TBC1D30: variants seen among roughly 807,000 people sequenced by gnomAD.
TBC1D30 encodes TBC1 domain family member 30, also known as TBC1 domain family, member 30.
A neutral mutation model predicts 63.2 loss-of-function variants in TBC1D30; 31 were observed. That is an observed-to-expected ratio of 0.49 (90% CI 0.37 to 0.66). The LOEUF is 0.66. TBC1D30 is among the 30% of genes least tolerant of loss of function. The pLI, the probability that TBC1D30 is intolerant of heterozygous loss-of-function variation, is 0.00. For missense variants in TBC1D30, 810 were observed against 953.6 expected (o/e 0.85, Z 1.98); for synonymous variants, 307 against 361.5 (o/e 0.85, Z 1.71).
Position 64,828,648 on chromosome 12 carries a change from A to G in TBC1D30, c.282+139A>G, listed in dbSNP as rs1178780949. The stretch of plus-strand genomic sequence containing the variant: ...TTATTCATTCATGCAATAAATATTT[A>G]TTGATTATTCTGTGCCAAGTAATGT... On this transcript the variant is annotated intron_variant, in intron 3 of 11. Coordinates refer to ENST00000539867, the MANE Select transcript of TBC1D30 (RefSeq NM_015279.2). 69 of 636,060 alleles carry G rather than the reference A, an allele frequency of 1.1e-4. 1 individual carries two copies. In the East Asian group the frequency reaches 1.8e-3, roughly 17 times the overall value. 39.4% of individuals were successfully genotyped at this position (636,060 alleles called of 1,614,324 possible). A position where few individuals can be genotyped will look rare whatever the true frequency, so the allele number is the denominator to read the frequency against.
At chr12:64,770,263 T>G (rs775288348) in intron 1 of TBC1D30, among the ~76,000 whole-genome samples, 14 of 151,898 alleles carry the variant, frequency 9.2e-5, no homozygotes, top group Non-Finnish European at 1.8e-4. Context: ...TTTATTACAA[T>G]GTCTGAGTAT....
Position 64,832,231 on chromosome 12 carries a change from A to C in TBC1D30, c.521A>C (p.Tyr174Ser), listed in dbSNP as rs1419717409. 5 of 1,536,172 alleles carry C rather than the reference A, an allele frequency of 3.3e-6. No homozygotes were observed. Among genetic ancestry groups the C allele is most frequent in the Non-Finnish European group, 4.4e-6 (5 of 1,146,916 alleles). Residue 174 changes from tyrosine to serine, a missense_variant, in exon 5 of 12, where the codon TAC (tyrosine) becomes TCC (serine). Transcript: ENST00000539867. ...GCCCGATGGAACAAAACTGTTGGGT[A>C]CTGCCAAGGCTTTAACATCCTGGCT... is the stretch of plus-strand genomic sequence containing the variant. ...AYARWNKTVG[Y>S]CQGFNILAAL...
At chr12:64,790,802 C>T (rs970763077) in intron 2 of TBC1D30, among the ~76,000 whole-genome samples, 4 of 152,068 alleles carry the variant, frequency 2.6e-5, no homozygotes, top group Non-Finnish European at 5.9e-5. Flanking sequence ...ATACCTTGTC[C>T]TCTGTGGCAG....
rs1456067 is a variant in TBC1D30 at position 64,862,456 on chromosome 12, G to A, written c.1039-2212G>A. Among the ~76,000 whole-genome samples, 1,035 of 152,282 alleles carry A rather than the reference G, an allele frequency of 6.8e-3. 44 individuals are homozygous for A. The highest frequency in any genetic ancestry group is 0.063 in the Admixed American group (970 of 15,296). ...TGCAATGGAGCTAGTTTTCTTTTTG[G>A]TCAGGTGTCTTTAGCTGAGTGGCCC... On this transcript the variant is annotated intron_variant, in intron 8 of 11. Coordinates refer to ENST00000539867, the MANE Select transcript of TBC1D30 (RefSeq NM_015279.2).
At chr12:64,801,479 G>T (rs1297452334) in intron 2 of TBC1D30, among the ~76,000 whole-genome samples, 1 of 152,172 alleles carries the variant, frequency 6.6e-6, no homozygotes, top group Non-Finnish European at 1.5e-5. Context: ...GGCACCAACA[G>T]GGTTCTATTG....
intron 7 of TBC1D30, among the ~76,000 whole-genome samples, chr12:64,841,713 T>C (rs565911956): frequency 1.3e-5 from 2 of 152,320 alleles, no homozygotes; most frequent in African/African-American, 4.8e-5. Context: ...TGCATCTGTG[T>C]CTTTGGGATG....
At chr12:64,814,900 AT>A (rs1380204689) in intron 2 of TBC1D30, among the ~76,000 whole-genome samples, 2 of 152,208 alleles carry the variant, frequency 1.3e-5, no homozygotes, top group Non-Finnish European at 2.9e-5. Context: ...ATTCTTATAT[AT>A]TTATGATGGT....
intron 1 of TBC1D30, among the ~76,000 whole-genome samples, chr12:64,761,630 C>T (rs895438674): frequency 2.0e-5 from 3 of 152,198 alleles, no homozygotes; most frequent in African/African-American, 4.8e-5. Flanking sequence ...AGTTTACAAA[C>T]GCCATGGGAA....
At chr12:64,835,517 T>C (rs1875268142) in intron 5 of TBC1D30, among the ~76,000 whole-genome samples, 1 of 152,166 alleles carries the variant, frequency 6.6e-6, no homozygotes, top group South Asian at 2.1e-4. Context: ...TTAATTTTGT[T>C]TTTCTGGTGC....
chr12:64,778,362 C>G, upstream of TBC1D30, among the ~76,000 whole-genome samples: 1 of 151,952 alleles, frequency 6.6e-6, no homozygotes, highest in East Asian at 1.9e-4. Flanking sequence ...AAAATTCCTG[C>G]GCTCGGAAGC....
intron 7 of TBC1D30, among the ~76,000 whole-genome samples, chr12:64,840,557 T>C (rs2136395682): frequency 6.6e-6 from 1 of 152,370 alleles, no homozygotes; most frequent in South Asian, 2.1e-4. Flanking sequence ...GTCGCTGTTC[T>C]AATTACTCTG....
At chr12:64,809,847 T>A (rs1250326743) in intron 2 of TBC1D30, among the ~76,000 whole-genome samples, 1 of 152,234 alleles carries the variant, frequency 6.6e-6, no homozygotes, top group Non-Finnish European at 1.5e-5. Context: ...TTCCCCCAGA[T>A]GGTTTATTAT....
Position 64,867,616 on chromosome 12 carries a change from T to A in TBC1D30, c.1291+713T>A, listed in dbSNP as rs530898974. Among the ~76,000 whole-genome samples the A allele has an allele frequency of 7.0e-4, 107 of 152,350 alleles. 3 individuals carry two copies. In the South Asian group the frequency reaches 0.021, roughly 30 times the overall value. On this transcript the variant is annotated intron_variant, in intron 10 of 11. Coordinates refer to ENST00000539867, the MANE Select transcript of TBC1D30 (RefSeq NM_015279.2). ...CCCATGCATTGGATTCAACTTTGTATGCTAAGTTCCTTAGCACAGACCCTG... is the reference window on the plus strand; with the variant it reads ...CCCATGCATTGGATTCAACTTTGTAAGCTAAGTTCCTTAGCACAGACCCTG...
intron 2 of TBC1D30, among the ~76,000 whole-genome samples, chr12:64,815,838 G>C (rs781477756): frequency 2.0e-5 from 3 of 151,680 alleles, no homozygotes; most frequent in African/African-American, 7.3e-5. Context: ...AAGGCTGGTA[G>C]TATGGTGATG....
upstream of TBC1D30, among the ~76,000 whole-genome samples, chr12:64,820,986 C>T (rs1873853155): frequency 6.6e-6 from 1 of 152,182 alleles, no homozygotes; most frequent in Non-Finnish European, 1.5e-5. Context: ...TTAGATTTTC[C>T]TCGTAATAGA....
At chr12:64,807,844 C>T (rs551931316) in intron 2 of TBC1D30, among the ~76,000 whole-genome samples, 1 of 151,170 alleles carries the variant, frequency 6.6e-6, no homozygotes, top group East Asian at 1.9e-4. Flanking sequence ...CTCCTGGGCT[C>T]AAGGAAGGCA....
Position 64,875,416 on chromosome 12 carries a change from G to A in TBC1D30, c.1914G>A (p.Pro638=), listed in dbSNP as rs1441789711. ...GGAGGACGATCGAGGGGCAGTCTCC[G>A]GAGCCGGTGTTCGGAGATGCTGATG... is the stretch of plus-strand genomic sequence containing the variant. The part of the protein sequence containing the change: ...STRRTIEGQS[P]EPVFGDADVD... Residue 638 remains proline (P), a synonymous_variant, in exon 12 of 12, where the codon CCG becomes CCA. Transcript: ENST00000539867. The A allele has an allele frequency of 1.2e-5, 19 of 1,536,048 alleles. No homozygotes were observed. In the East Asian group the frequency reaches 1.5e-4, roughly 12 times the overall value.
intron 6 of TBC1D30, among the ~76,000 whole-genome samples, chr12:64,838,344 T>G (rs1180600413): frequency 6.6e-6 from 1 of 152,230 alleles, no homozygotes; most frequent in Admixed American, 6.5e-5. Context: ...CTGATGGCTT[T>G]TGCTTTTGAG....
chr12:64,843,593 T>C (rs1053108111), intron 8 of TBC1D30, 108 bp downstream of exon 8: 1 of 757,170 alleles, frequency 1.3e-6, no homozygotes. Context: ...GCTGTCAGAC[T>C]TAGTTTCTCA....
Sources: gnomAD v4.1 joint callset for allele counts (sites outside exome capture counted in the v4.1 genomes callset) on GRCh38, gnomAD v4.1.1 for gene constraint, MANE v1.5 for transcripts, NCBI Gene and HGNC (gene_info 2026-07-23, HGNC 2026-07-21) for gene names.